Variants in IGLL5 observed in about 807,000 individuals in gnomAD.
IGLL5 encodes the protein immunoglobulin lambda-like polypeptide 5.
In IGLL5, 30 loss-of-function variants were observed where a neutral mutation model predicts 20.9. The ratio of observed to expected loss-of-function variants is 1.44; its 90% CI spans 1.07 to 1.95. IGLL5 has a LOEUF of 1.95. IGLL5 is among the 30% of genes most tolerant of loss of function. The pLI, the probability that IGLL5 is intolerant of heterozygous loss-of-function variation, is 0.00. For missense variants in IGLL5, 475 were observed against 270.7 expected, an observed-to-expected ratio of 1.75 and a Z score of -5.30; for synonymous variants, 203 against 117.3, an observed-to-expected ratio of 1.73 and a Z score of -4.72.
chr22:22,888,863 G>C (rs867206387), intron 1 of IGLL5, among the ~76,000 whole-genome samples: 6 of 151,446 alleles, frequency 4.0e-5, no homozygotes, highest in East Asian at 2.0e-4. Flanking sequence ...TAAAGGGAGA[G>C]GGGATCTCCC....
intron 1 of IGLL5, among the ~76,000 whole-genome samples, chr22:22,889,796 T>G (rs1601609944): frequency 6.6e-6 from 1 of 151,374 alleles, no homozygotes; most frequent in Non-Finnish European, 1.5e-5. Flanking sequence ...AGAGCCTCGC[T>G]ATATTGCTCA....
chr22:22,888,492 G>A (rs1034456374), intron 1 of IGLL5, among the ~76,000 whole-genome samples: 12 of 151,320 alleles, frequency 7.9e-5, no homozygotes, highest in East Asian at 6.1e-4. Flanking sequence ...GTTTTCTGGC[G>A]CCACTTAAAT....
intron 2 of IGLL5, among the ~76,000 whole-genome samples, chr22:22,894,849 C>G: frequency 6.6e-6 from 1 of 151,408 alleles, no homozygotes; most frequent in African/African-American, 2.4e-5. Context: ...GTGGGCTGGG[C>G]TGGGGCAGAG....
At chr22:22,889,630 C>G (rs1601609354) in intron 1 of IGLL5, among the ~76,000 whole-genome samples, 2 of 151,410 alleles carry the variant, frequency 1.3e-5, no homozygotes, top group East Asian at 4.0e-4. Flanking sequence ...ATCTGTTGCT[C>G]AGGCTGGAGT....
intron 2 of IGLL5, 70 bp downstream of exon 2, chr22:22,893,888 CT>C (rs2067942443): frequency 9.5e-7 from 1 of 1,047,132 alleles, no homozygotes; most frequent in African/African-American, 1.6e-5. Flanking sequence ...TTTTCTCTCT[CT>C]GGGGCTTCCT....
chr22:22,895,726 T>A lies in IGLL5; in HGVS notation c.*32T>A. On this transcript the variant is annotated 3_prime_UTR_variant, in exon 3 of 3. Coordinates refer to ENST00000526893, the MANE Select transcript of IGLL5 (RefSeq NM_001178126.2). Reference sequence around the variant, plus strand: ...AACTCTAACCCCACCCACGGGAGCCTGGAGCTGCAGGATCCCAGGGGAGGG... The same window carrying A: ...AACTCTAACCCCACCCACGGGAGCCAGGAGCTGCAGGATCCCAGGGGAGGG... 6.2e-7 allele frequency: 1 copy of A among 1,608,276 alleles called. No homozygotes were observed. The highest frequency in any genetic ancestry group is 8.5e-7 in the Non-Finnish European group (1 of 1,175,356).
intron 1 of IGLL5, among the ~76,000 whole-genome samples, chr22:22,889,387 A>T (rs1377556282): frequency 6.6e-6 from 1 of 151,282 alleles, no homozygotes; most frequent in Admixed American, 6.6e-5. Flanking sequence ...GGCGAGTCAA[A>T]AAACAAAGTG....
At chr22:22,891,822 C>T (rs6003377) in intron 1 of IGLL5, among the ~76,000 whole-genome samples, 3,439 of 151,114 alleles carry the variant, frequency 0.023, 135 homozygotes, top group African/African-American at 0.075. Context: ...TAGCAAGGAA[C>T]CCTATTAACT....
chr22:22,890,938 T>G (rs2146011867), intron 1 of IGLL5, among the ~76,000 whole-genome samples: 1 of 151,344 alleles, frequency 6.6e-6, no homozygotes, highest in African/African-American at 2.4e-5. Context: ...CGCCTTTCCA[T>G]TCAGTTGCTT....
At chr22:22,893,910 C>T (rs182473958) in intron 2 of IGLL5, 92 bp downstream of exon 2, 3 of 898,174 alleles carry the variant, frequency 3.3e-6, no homozygotes, top group Middle Eastern at 2.1e-4. Flanking sequence ...CCCCTCTGTC[C>T]TCCCAGCCTT....
Position 22,891,222 on chromosome 22 carries a change from G to A in IGLL5, c.207-2478G>A, listed in dbSNP as rs571736070. Among the ~76,000 whole-genome samples, 6 of 150,548 alleles carry A rather than the reference G, an allele frequency of 4.0e-5. No homozygotes were observed. In the South Asian group the frequency reaches 1.3e-3, roughly 32 times the overall value. On this transcript the variant is annotated intron_variant, in intron 1 of 2. Coordinates refer to ENST00000526893, the MANE Select transcript of IGLL5 (RefSeq NM_001178126.2). ...TTATTCTGGTACTTTTGGTGTATTG[G>A]TGTTTTATTTTTTTTTCTTTACTTC...
chr22:22,894,398 T>C (rs1601626065), intron 2 of IGLL5, among the ~76,000 whole-genome samples: 7 of 151,316 alleles, frequency 4.6e-5, no homozygotes, highest in Middle Eastern at 3.7e-3. Context: ...CATGAGGACA[T>C]GGGGACACAG....
chr22:22,888,378 G>C (rs576626055), intron 1 of IGLL5, 119 bp downstream of exon 1: 4 of 800,686 alleles, frequency 5.0e-6, no homozygotes, highest in Admixed American at 5.6e-5. Context: ...AGGGGCCTGG[G>C]CTGACACTGG....
Position 22,893,775 on chromosome 22 carries a change from ACT to A in IGLL5, c.283_284del (p.Leu95ValfsTer30). 6.2e-7 allele frequency: 1 copy of A among 1,604,226 alleles called. No individual in the cohort carries two copies. The highest frequency in any genetic ancestry group is 8.5e-7 in the Non-Finnish European group (1 of 1,175,554). On this transcript the variant is annotated frameshift_variant, in exon 2 of 3. Transcript: ENST00000526893. LOFTEE classifies it high-confidence loss of function. ...PRGFWSEPQS[L>X]CYVFGTGTKV... Reference sequence around the variant, plus strand: ...GGGGGTTTTGGTCTGAGCCTCAGTCACTGTGTTATGTCTTCGGAACTGGGACC... The same window carrying A: ...GGGGGTTTTGGTCTGAGCCTCAGTCAGTGTTATGTCTTCGGAACTGGGACC...
At chr22:22,888,286 G>T (rs554012022) in intron 1 of IGLL5, 27 bp downstream of exon 1, 2 of 1,542,178 alleles carry the variant, frequency 1.3e-6, no homozygotes, top group Middle Eastern at 2.2e-4. Context: ...TCCAGGGGAT[G>T]TGGGGGTCCT....
intron 2 of IGLL5, among the ~76,000 whole-genome samples, chr22:22,894,378 T>C (rs2068023762): frequency 6.6e-6 from 1 of 151,432 alleles, no homozygotes; most frequent in East Asian, 2.0e-4. Flanking sequence ...CTCTGTGGCC[T>C]GTGCTGGGTC....
chr22:22,894,128 G>T (rs180928925), intron 2 of IGLL5, among the ~76,000 whole-genome samples: 1 of 151,534 alleles, frequency 6.6e-6, no homozygotes, highest in South Asian at 2.1e-4. Context: ...GAGGGGCCCT[G>T]CAGTGTCCTT....
intron 1 of IGLL5, among the ~76,000 whole-genome samples, chr22:22,889,514 G>T (rs181145764): frequency 6.6e-6 from 1 of 151,370 alleles, no homozygotes; most frequent in South Asian, 2.1e-4. Context: ...AGCATTATTA[G>T]TGATGGGAGA....
At chr22:22,893,989 A>T (rs1326309934) in intron 2 of IGLL5, among the ~76,000 whole-genome samples, 171 bp downstream of exon 2, 2 of 150,786 alleles carry the variant, frequency 1.3e-5, no homozygotes, top group South Asian at 2.1e-4. Context: ...AACCGGCAGG[A>T]AGGGCCTCCA....
Sources: gnomAD v4.1 joint callset for allele counts (sites outside exome capture counted in the v4.1 genomes callset) on GRCh38, gnomAD v4.1.1 for gene constraint, MANE v1.5 for transcripts, NCBI Gene and HGNC (gene_info 2026-07-23, HGNC 2026-07-21) for gene names.